ZNF487: variants seen among roughly 807,000 people sequenced by gnomAD.
ZNF487 encodes the protein zinc finger protein 487.
A neutral mutation model predicts 3.0 loss-of-function variants in ZNF487; 4 were observed. The ratio of observed to expected loss-of-function variants is 1.35; its 90% CI spans 0.66 to 3.08. The LOEUF (loss-of-function observed/expected upper bound fraction) is 3.08. Among genes scored for constraint, ZNF487 ranks in the 30% most tolerant of loss-of-function variants. The pLI, the probability that ZNF487 is intolerant of heterozygous loss-of-function variation, is 0.01. For missense variants in ZNF487, 146 were observed against 98.7 expected (o/e 1.48, Z -2.03); for synonymous variants, 55 against 34.6 (o/e 1.59, Z -2.06).
intron 3 of ZNF487, 56 bp downstream of exon 3, chr10:43,476,258 G>GA (rs1458960088): frequency 4.4e-6 from 3 of 686,026 alleles, no homozygotes; most frequent in Non-Finnish European, 8.0e-6. Flanking sequence ...TGATCCTAGG[G>GA]AGATACTTCA....
chr10:43,512,023 T>C, the ZNF487 span, among the ~76,000 whole-genome samples: 6 of 152,182 alleles, frequency 3.9e-5, no homozygotes, highest in Admixed American at 3.9e-4. Flanking sequence ...CCATTTCTCC[T>C]TCCATGTAAA....
chr10:43,497,983 G>GATATATATAT, the ZNF487 span, among the ~76,000 whole-genome samples: 15 of 130,394 alleles, frequency 1.2e-4, no homozygotes, highest in African/African-American at 4.2e-4. Context: ...AAAGAAAAAA[G>GATATATATAT]ATATATATAT....
chr10:43,444,696 G>A (rs1028693911), intron 1 of ZNF487, among the ~76,000 whole-genome samples: 2 of 152,088 alleles, frequency 1.3e-5, no homozygotes, highest in Non-Finnish European at 2.9e-5. Flanking sequence ...AGCATCCCAA[G>A]TGGCTGGGAC....
At chr10:43,491,213 A>AT in the ZNF487 span, among the ~76,000 whole-genome samples, 1 of 151,342 alleles carries the variant, frequency 6.6e-6, no homozygotes, top group Non-Finnish European at 1.5e-5. Flanking sequence ...ACCTTAGGTG[A>AT]TTCACCCGCC....
In ZNF487 at chr10:43,474,460, G is replaced by A. The variant is rs111950386; in HGVS notation, c.-93-1261G>A. Among the ~76,000 whole-genome samples, 901 of 152,078 alleles carry A rather than the reference G, an allele frequency of 5.9e-3. 6 individuals carry two copies. The highest frequency in any genetic ancestry group is 0.014 in the Middle Eastern group (4 of 294). On this transcript the variant is annotated intron_variant, in intron 1 of 3. Transcript: ENST00000437590. The stretch of plus-strand genomic sequence containing the variant: ...CATGCCTGGAGCCCCATGTACTTGG[G>A]AGGCTGAGGCAGGAGTATTGCTTGA...
the ZNF487 span, among the ~76,000 whole-genome samples, chr10:43,493,988 G>A: frequency 1.3e-5 from 2 of 148,318 alleles, no homozygotes; most frequent in Non-Finnish European, 3.0e-5. Context: ...CCAATATTGC[G>A]CCACTGCACT....
chr10:43,497,223 C>A, the ZNF487 span, among the ~76,000 whole-genome samples: 1 of 151,972 alleles, frequency 6.6e-6, no homozygotes, highest in Non-Finnish European at 1.5e-5. Flanking sequence ...TGGGGATAGA[C>A]CTGTGGAAAA....
chr10:43,462,140 T>G (rs577902062), intron 1 of ZNF487, among the ~76,000 whole-genome samples: 2 of 152,276 alleles, frequency 1.3e-5, no homozygotes, highest in African/African-American at 4.8e-5. Flanking sequence ...AATTATCTAG[T>G]GAATTACTCT....
At chr10:43,490,179 A>G in the ZNF487 span, among the ~76,000 whole-genome samples, 3 of 152,026 alleles carry the variant, frequency 2.0e-5, no homozygotes, top group African/African-American at 7.2e-5. Flanking sequence ...GTGAAACCCC[A>G]TCTCTACTAA....
At chr10:43,440,514 C>T (rs531011486) in intron 1 of ZNF487, among the ~76,000 whole-genome samples, 2 of 151,998 alleles carry the variant, frequency 1.3e-5, no homozygotes, top group South Asian at 4.2e-4. Flanking sequence ...AAAAATTAGC[C>T]CGGCATGGTA....
chr10:43,473,578 G>A (rs924417516), intron 1 of ZNF487, among the ~76,000 whole-genome samples: 5 of 151,684 alleles, frequency 3.3e-5, no homozygotes, highest in Admixed American at 2.6e-4. Flanking sequence ...GAGTGCAGTG[G>A]CGCGATCTCA....
chr10:43,511,057 G>A, the ZNF487 span, among the ~76,000 whole-genome samples: 18 of 152,276 alleles, frequency 1.2e-4, no homozygotes, highest in African/African-American at 3.6e-4. Context: ...ATGGTAACTG[G>A]TGCCACTTTC....
chr10:43,462,783 A>C (rs1028752274), intron 1 of ZNF487, among the ~76,000 whole-genome samples: 1 of 137,032 alleles, frequency 7.3e-6, no homozygotes, highest in Non-Finnish European at 1.6e-5. Context: ...TTTTTTTATA[A>C]ATAGAGATAG....
chr10:43,441,351 C>T (rs910504073), intron 1 of ZNF487, among the ~76,000 whole-genome samples: 7 of 151,196 alleles, frequency 4.6e-5, no homozygotes, highest in East Asian at 1.9e-4. Context: ...CTGCAACTTC[C>T]GCCTCCCGGG....
At chr10:43,462,892 C>A (rs1322851406) in intron 1 of ZNF487, among the ~76,000 whole-genome samples, 1 of 152,054 alleles carries the variant, frequency 6.6e-6, no homozygotes, top group African/African-American at 2.4e-5. Context: ...GCCTCAGCCC[C>A]CTGAGTAGCT....
the ZNF487 span, among the ~76,000 whole-genome samples, chr10:43,490,683 T>TGTA: frequency 1.1e-3 from 158 of 148,446 alleles, no homozygotes; most frequent in African/African-American, 3.6e-3. Context: ...CTAATTTTTT[T>TGTA]TTTTTTTTGA....
At chr10:43,470,107 C>T (rs920854123) in intron 1 of ZNF487, among the ~76,000 whole-genome samples, 6 of 152,138 alleles carry the variant, frequency 3.9e-5, no homozygotes, top group African/African-American at 9.7e-5. Flanking sequence ...TGCAGTGGTC[C>T]GGAACTGAAT....
chr10:43,449,519 G>A (rs1839933441), intron 1 of ZNF487, among the ~76,000 whole-genome samples: 2 of 152,044 alleles, frequency 1.3e-5, no homozygotes, highest in South Asian at 2.1e-4. Context: ...AACCAAGGAA[G>A]AGTTAACAGC....
At chr10:43,503,702 C>A in the ZNF487 span, among the ~76,000 whole-genome samples, 1 of 152,238 alleles carries the variant, frequency 6.6e-6, no homozygotes, top group Non-Finnish European at 1.5e-5. Context: ...ACTTCCTGGG[C>A]TCAATCGATC....
Sources: allele counts gnomAD v4.1 joint callset (sites outside exome capture counted in the v4.1 genomes callset), GRCh38; gene constraint gnomAD v4.1.1; transcripts MANE v1.5; gene names NCBI Gene and HGNC (gene_info 2026-07-23, HGNC 2026-07-21).